Variants in FCRL3 observed in about 807,000 individuals in gnomAD.
FCRL3 encodes Fc receptor-like protein 3.
Under a neutral mutation model 75.0 loss-of-function variants are expected in FCRL3, and 89 were observed. That is an observed-to-expected ratio of 1.19 (90% CI 1.00 to 1.42). The LOEUF is 1.42. Ranked by LOEUF, FCRL3 falls within the 40% of genes most tolerant of loss-of-function variation. The pLI is 0.00. For synonymous variants in FCRL3, 376 were observed against 348.5 expected (o/e 1.08, Z -0.88); for missense variants, 946 against 880.0 (o/e 1.07, Z -0.95).
At chr1:157,695,142 A>G (rs74120721) in intron 8 of FCRL3, among the ~76,000 whole-genome samples, 187 bp downstream of exon 8, 1 of 152,292 alleles carries the variant, frequency 6.6e-6, no homozygotes, top group South Asian at 2.1e-4. Flanking sequence ...CAGAGGAATT[A>G]AAAAAAGGAA....
In FCRL3 at chr1:157,690,375, A is replaced by C. The variant is rs1358783752; in HGVS notation, c.1570T>G (p.Ser524Ala). 1 of 1,614,162 alleles carries C rather than the reference A, an allele frequency of 6.2e-7. No homozygotes were observed. The highest frequency in any genetic ancestry group is 2.2e-5 in the East Asian group (1 of 44,864). ...DDTLGNISAH[S>A]GGGASFNLSL... ...AGGTTGAAGGATGCCCCTCCTCCAG[A>C]GTGGGCCGAGATGTTCCCCAAGGTG... Residue 524 changes from serine to alanine, a missense_variant, in exon 9 of 15, where the codon TCT (serine) becomes GCT (alanine). By Grantham distance (99) the Ser-to-Ala change is moderately conservative. Coordinates refer to ENST00000368184, the MANE Select transcript of FCRL3 (RefSeq NM_052939.4).
chr1:157,696,328 C>T lies in FCRL3; in HGVS notation c.845-1G>A, dbSNP rs762394881. 7 of 1,613,576 alleles carry T rather than the reference C, an allele frequency of 4.3e-6. No homozygotes were observed. The highest frequency in any genetic ancestry group is 5.9e-6 in the Non-Finnish European group (7 of 1,179,678). ...AGATTCACATTAGACACAGGGACTC[C>T]TGGGGGAACACAAGATGGCATGTGA... On this transcript the variant is annotated splice_acceptor_variant, in intron 6 of 14. Coordinates refer to ENST00000368184, the MANE Select transcript of FCRL3 (RefSeq NM_052939.4). LOFTEE classifies it high-confidence loss of function.
chr1:157,698,170 C>T (rs112401215), intron 4 of FCRL3, among the ~76,000 whole-genome samples: 2 of 152,036 alleles, frequency 1.3e-5, no homozygotes, highest in African/African-American at 4.8e-5. Flanking sequence ...CCCCTTTTTG[C>T]CTGATGGCCC....
In FCRL3 at chr1:157,678,962, T is replaced by C. The variant is rs757521851; in HGVS notation, c.2038A>G (p.Met680Val). Reference protein sequence around the residue: ...HTKENSANCPMMHQEHEELTV... With the variant: ...HTKENSANCPVMHQEHEELTV... ...CTCACCTCATGCTCTTGATGCATCA[T>C]TGGACAATTAGCTGTTGGGTAGGAG... Residue 680 changes from methionine (M) to valine (V), a missense_variant, in exon 14 of 15, where the codon ATG becomes GTG. Physicochemically the swap from Met to Val is conservative, Grantham distance 21 (BLOSUM62 1). Transcript: ENST00000368184. The C allele has an allele frequency of 1.2e-6, 2 of 1,614,036 alleles. No homozygotes were observed. Among genetic ancestry groups the C allele is most frequent in the African/African-American group, 1.3e-5 (1 of 74,924 alleles).
intron 3 of FCRL3, among the ~76,000 whole-genome samples, chr1:157,699,083 A>G (rs970431518): frequency 6.6e-6 from 1 of 152,212 alleles, no homozygotes; most frequent in Non-Finnish European, 1.5e-5. Flanking sequence ...CACTTGTATT[A>G]CTTTTATATC....
At chr1:157,694,962 T>C (rs1321400971) in intron 8 of FCRL3, among the ~76,000 whole-genome samples, 1 of 152,154 alleles carries the variant, frequency 6.6e-6, no homozygotes, top group Admixed American at 6.5e-5. Flanking sequence ...CAAGGGATGA[T>C]CCAGTCATTT....
intron 11 of FCRL3, among the ~76,000 whole-genome samples, chr1:157,681,960 T>C (rs1345659217): frequency 6.6e-6 from 1 of 151,878 alleles, no homozygotes; most frequent in Admixed American, 6.6e-5. Flanking sequence ...TGGTATCTCA[T>C]TGTGGTTTTG....
rs559552925 is a variant in FCRL3 at position 157,700,114 on chromosome 1, C to T, written c.31+345G>A. ...ATGTTTCTCAGTAAACCTTCCTTCA[C>T]GTGCCTAGGTTTTTAGAAGTAACTG... On this transcript the variant is annotated intron_variant, in intron 2 of 14. Coordinates refer to ENST00000368184, the MANE Select transcript of FCRL3 (RefSeq NM_052939.4). Among the ~76,000 whole-genome samples, 137 of 152,272 alleles carry T rather than the reference C, an allele frequency of 9.0e-4. 2 individuals carry two copies. The South Asian group carries it at 0.026, about 29-fold the overall frequency.
chr1:157,680,866 G>A (rs963836536), intron 12 of FCRL3, 96 bp from the exon 13 acceptor site: 25 of 1,447,946 alleles, frequency 1.7e-5, no homozygotes, highest in Admixed American at 3.5e-5. Flanking sequence ...TCTATTCCCA[G>A]TGTAATGCTA....
chr1:157,691,902 T>C (rs1281848640), intron 8 of FCRL3: 1 of 152,240 alleles, frequency 6.6e-6, no homozygotes, highest in African/African-American at 2.4e-5. Context: ...CAAGATGGGC[T>C]ATAAGACACC....
chr1:157,695,291 G>A lies in FCRL3; in HGVS notation c.1411+38C>T, dbSNP rs372601245. ...TATTTCTGAGAAGACATGATCTGTT[G>A]TATTGGCTGTTAACTGCTGTGGGTA... On this transcript the variant is annotated intron_variant, in intron 8 of 14. Transcript: ENST00000368184. 8 of 1,586,690 alleles carry A rather than the reference G, an allele frequency of 5.0e-6. No homozygotes were observed. In the African/African-American group the frequency reaches 1.1e-4, roughly 21 times the overall value.
rs1247511570 is a variant in FCRL3, at chr1:157,689,887, G to T, written c.1721C>A (p.Ala574Asp). ...GTSRNRTGLTAAGITGLVLSI... is the reference protein window; with the variant it reads ...GTSRNRTGLTDAGITGLVLSI... ...GAGCACCAGCCCCGTGATTCCCGCA[G>T]CGGTAAGGCCTGTTCTGTTCCTGGA... The change falls in exon 10 of 15, where the codon GCT becomes GAT. Residue 574 changes from alanine (A) to aspartate (D), a missense_variant. Physicochemically the swap from Ala to Asp is moderately radical, Grantham distance 126. Coordinates refer to ENST00000368184, the MANE Select transcript of FCRL3 (RefSeq NM_052939.4). 2.5e-6 allele frequency: 4 copies of T among 1,614,200 alleles called. No individual in the cohort carries two copies. In the Admixed American group the frequency reaches 6.7e-5, roughly 27 times the overall value.
chr1:157,679,032 C>A, intron 13 of FCRL3, 59 bp from the exon 14 acceptor site: 1 of 1,564,420 alleles, frequency 6.4e-7, no homozygotes. Context: ...TTCCAACTTA[C>A]AACGTACGCA....
rs562810998 is a variant in FCRL3 at position 157,696,013 on chromosome 1, G to A, written c.1132+27C>T. The A allele has an allele frequency of 2.3e-5, 36 of 1,589,020 alleles. No homozygotes were observed. In the South Asian group the frequency reaches 3.6e-4, roughly 16 times the overall value. ...ACCTAAACCCTGGCTTGCAACTCGA[G>A]GCTGTGTGAAAGGAATCGGAACTTA... On this transcript the variant is annotated intron_variant, in intron 7 of 14. Transcript: ENST00000368184.
chr1:157,692,419 T>C (rs1367982957), intron 8 of FCRL3, among the ~76,000 whole-genome samples: 1 of 152,088 alleles, frequency 6.6e-6, no homozygotes, highest in African/African-American at 2.4e-5. Flanking sequence ...TTTGTATTTT[T>C]AGTAAAGACA....
chr1:157,693,706 TCCTC>T (rs1557830347), intron 8 of FCRL3, among the ~76,000 whole-genome samples: 1 of 151,234 alleles, frequency 6.6e-6, no homozygotes, highest in Admixed American at 6.6e-5. Flanking sequence ...CTTCCTTCCT[TCCTC>T]CCTTCCTTCC....
Position 157,698,571 on chromosome 1 carries a change from TC to T in FCRL3, c.110del (p.Gly37GlufsTer15), listed in dbSNP as rs1468213182. ...LNPPWSTAFK[G>X]EKVALICSSI... is the part of the protein sequence containing the mutation. ...TGCTGCATATGAGAGCCACTTTTTC[TC>T]CTTTGAAGGCTGTGGACCATGGAGG... is the stretch of plus-strand genomic sequence containing the variant. On this transcript the variant is annotated frameshift_variant, in exon 4 of 15. Coordinates refer to ENST00000368184, the MANE Select transcript of FCRL3 (RefSeq NM_052939.4). LOFTEE classifies it high-confidence loss of function. The T allele has an allele frequency of 6.2e-7, 1 of 1,614,000 alleles. No homozygotes were observed. Among genetic ancestry groups the T allele is most frequent in the Non-Finnish European group, 8.5e-7 (1 of 1,179,952 alleles).
intron 8 of FCRL3, among the ~76,000 whole-genome samples, 174 bp downstream of exon 8, chr1:157,695,155 G>A (rs1655800768): frequency 6.6e-6 from 1 of 152,146 alleles, no homozygotes; most frequent in Admixed American, 6.5e-5. Flanking sequence ...AAAAGGAATG[G>A]TCTAAGTTAC....
chr1:157,699,621 TAGG>T, intron 3 of FCRL3, 68 bp downstream of exon 3: 3 of 1,534,366 alleles, frequency 2.0e-6, no homozygotes, highest in Non-Finnish European at 2.7e-6. Context: ...CTGCAAGGGT[TAGG>T]GCAGGCTGTG....
Sources: gnomAD v4.1 joint callset for allele counts (sites outside exome capture counted in the v4.1 genomes callset) on GRCh38, gnomAD v4.1.1 for gene constraint, MANE v1.5 for transcripts, NCBI Gene and HGNC (gene_info 2026-07-23, HGNC 2026-07-21) for gene names.